Variants in NKAIN2 observed in about 807,000 individuals in gnomAD.
The protein encoded by NKAIN2 is sodium/potassium-transporting ATPase subunit beta-1-interacting protein 2.
Under a neutral mutation model 32.6 loss-of-function variants are expected in NKAIN2, and 14 were observed. The ratio of observed to expected loss-of-function variants is 0.43; its 90% CI spans 0.28 to 0.67. The LOEUF is 0.67. NKAIN2 is among the 30% of genes least tolerant of loss of function. The probability of loss-of-function intolerance (pLI) is 0.17; values close to 1 mark genes in which losing one functional copy is unlikely to be tolerated. For synonymous variants in NKAIN2, 80 were observed against 87.2 expected (o/e 0.92, Z 0.46); for missense variants, 198 against 258.3 (o/e 0.77, Z 1.60).
At chr6:123,935,676 A>G in intron 1 of NKAIN2, among the ~76,000 whole-genome samples, 2 of 152,256 alleles carry the variant, frequency 1.3e-5, no homozygotes, top group Non-Finnish European at 2.9e-5. Flanking sequence ...ATCTTTTTAT[A>G]TCAGTTATCT....
In NKAIN2 at chr6:124,059,986, A is replaced by AT. The variant is rs575398036; in HGVS notation, c.55-223012dup. 5.3e-4 allele frequency among the ~76,000 whole-genome samples: 80 copies of AT among 152,188 alleles called. No individual in the cohort carries two copies. The East Asian group carries it at 9.5e-3, about 18-fold the overall frequency. On this transcript the variant is annotated intron_variant, in intron 1 of 6. Transcript: ENST00000368417. Reference sequence around the variant, plus strand: ...TGTAGCTTATGCTGCATTGTTTTCAATTTTTTTGTCTATGAGTGTTTCCAA... The same window carrying AT: ...TGTAGCTTATGCTGCATTGTTTTCAATTTTTTTTGTCTATGAGTGTTTCCAA...
intron 1 of NKAIN2, among the ~76,000 whole-genome samples, chr6:124,265,836 A>G (rs374497612): frequency 7.2e-5 from 11 of 152,352 alleles, no homozygotes; most frequent in African/African-American, 7.2e-5. Flanking sequence ...AGCAAAACCC[A>G]TGGACTTAGT....
intron 1 of NKAIN2, among the ~76,000 whole-genome samples, chr6:123,817,621 G>T (rs977504713): frequency 1.3e-5 from 2 of 152,174 alleles, no homozygotes; most frequent in Middle Eastern, 3.4e-3. Context: ...CAACACCAGC[G>T]CCCCTTCCTC....
chr6:123,958,061 C>G (rs1191511300), intron 1 of NKAIN2, among the ~76,000 whole-genome samples: 1 of 152,090 alleles, frequency 6.6e-6, no homozygotes, highest in African/African-American at 2.4e-5. Context: ...AGTGTGTCTT[C>G]TGTTAATCAT....
chr6:124,815,225 C>CATACATATATATATAT (rs1554268823), intron 5 of NKAIN2, among the ~76,000 whole-genome samples: 2 of 136,998 alleles, frequency 1.5e-5, no homozygotes, highest in Non-Finnish European at 3.1e-5. Flanking sequence ...TATATATATA[C>CATACATATATATATAT]ATATATATAT....
chr6:123,819,613 A>G (rs374735239), intron 1 of NKAIN2, among the ~76,000 whole-genome samples: 42 of 152,136 alleles, frequency 2.8e-4, no homozygotes, highest in African/African-American at 9.7e-4. Context: ...AGAAAAGTGG[A>G]AGGAAGAAGA....
At chr6:124,430,331 T>C (rs1257624473) in intron 3 of NKAIN2, among the ~76,000 whole-genome samples, 2 of 152,364 alleles carry the variant, frequency 1.3e-5, no homozygotes, top group South Asian at 2.1e-4. Flanking sequence ...CATATGTTGC[T>C]GTATAGCAAG....
intron 4 of NKAIN2, among the ~76,000 whole-genome samples, chr6:124,681,839 G>T (rs553247954): frequency 6.6e-6 from 1 of 152,052 alleles, no homozygotes; most frequent in Non-Finnish European, 1.5e-5. Flanking sequence ...CCTATAAACA[G>T]GTGGGAAACC....
At chr6:124,312,484 C>G (rs1400207068) in intron 2 of NKAIN2, among the ~76,000 whole-genome samples, 1 of 152,146 alleles carries the variant, frequency 6.6e-6, no homozygotes, top group Non-Finnish European at 1.5e-5. Flanking sequence ...TAGGACAGTT[C>G]AGGGAAATAC....
intron 2 of NKAIN2, among the ~76,000 whole-genome samples, chr6:124,326,869 C>T (rs929247467): frequency 2.0e-5 from 3 of 152,064 alleles, no homozygotes; most frequent in African/African-American, 4.8e-5. Context: ...TCATCTTTCC[C>T]CATTCTTCCC....
At chr6:124,175,470 A>C (rs1482809615) in intron 1 of NKAIN2, among the ~76,000 whole-genome samples, 1 of 152,214 alleles carries the variant, frequency 6.6e-6, no homozygotes, top group Non-Finnish European at 1.5e-5. Context: ...AGTTAAAACA[A>C]GGGCTTAAAA....
intron 3 of NKAIN2, among the ~76,000 whole-genome samples, chr6:124,366,456 A>G (rs1010058382): frequency 5.3e-5 from 8 of 152,128 alleles, no homozygotes; most frequent in Admixed American, 2.0e-4. Flanking sequence ...GACAGAAAAA[A>G]AAAACCATTT....
intron 3 of NKAIN2, among the ~76,000 whole-genome samples, chr6:124,419,049 T>A (rs1485172500): frequency 6.6e-6 from 1 of 152,152 alleles, no homozygotes; most frequent in African/African-American, 2.4e-5. Flanking sequence ...GATTTGCATT[T>A]ACTCTGCCTG....
chr6:124,476,093 TGTGTGC>T (rs1198269700), intron 3 of NKAIN2, among the ~76,000 whole-genome samples: 7 of 134,850 alleles, frequency 5.2e-5, no homozygotes, highest in East Asian at 2.2e-4. Context: ...TGTGTGTGTG[TGTGTGC>T]GTGCGCGCGC....
chr6:124,589,615 G>A (rs1225478148), intron 3 of NKAIN2, among the ~76,000 whole-genome samples: 1 of 152,240 alleles, frequency 6.6e-6, no homozygotes, highest in Non-Finnish European at 1.5e-5. Flanking sequence ...TAAAATGTGG[G>A]CGAGAAGAAA....
intron 2 of NKAIN2, among the ~76,000 whole-genome samples, chr6:124,310,781 C>T (rs1408924039): frequency 2.0e-5 from 3 of 152,000 alleles, no homozygotes; most frequent in South Asian, 2.1e-4. Context: ...TTAGTTTGAC[C>T]AGATATGTTC....
In NKAIN2 at chr6:124,436,222, T is replaced by C. The variant is rs1283225589; in HGVS notation, c.273+80875T>C. ...TATACTTTCATTTGATGACAAAATG[T>C]TATTCATTAAAACTAGCTAAAAAAG... On this transcript the variant is annotated intron_variant, in intron 3 of 6. Transcript: ENST00000368417. Among the ~76,000 whole-genome samples, 3 of 152,302 alleles carry C rather than the reference T, an allele frequency of 2.0e-5. No homozygotes were observed. In the East Asian group the frequency reaches 5.8e-4, roughly 29 times the overall value.
chr6:124,224,682 A>G (rs1792013779), intron 1 of NKAIN2, among the ~76,000 whole-genome samples: 1 of 152,120 alleles, frequency 6.6e-6, no homozygotes, highest in South Asian at 2.1e-4. Flanking sequence ...CCTTTGTCAT[A>G]AAAAGGTTTT....
chr6:124,406,633 T>G (rs567781015), intron 3 of NKAIN2, among the ~76,000 whole-genome samples: 10 of 152,230 alleles, frequency 6.6e-5, no homozygotes, highest in African/African-American at 2.2e-4. Context: ...AATGGTTGTA[T>G]GTTTAATTTT....
Sources: gnomAD v4.1 joint callset for allele counts (sites outside exome capture counted in the v4.1 genomes callset) on GRCh38, gnomAD v4.1.1 for gene constraint, MANE v1.5 for transcripts, NCBI Gene and HGNC (gene_info 2026-07-23, HGNC 2026-07-21) for gene names.